Variants in PDE4D observed in about 807,000 individuals in gnomAD.
PDE4D encodes phosphodiesterase 4D.
In PDE4D, 24 loss-of-function variants were observed where a neutral mutation model predicts 87.4. The observed-to-expected ratio is 0.27, with a 90% CI of 0.20 to 0.39. The LOEUF (loss-of-function observed/expected upper bound fraction) is 0.39. Ranked by LOEUF, PDE4D falls within the 10% of genes least tolerant of loss-of-function variation. The pLI, the probability that PDE4D is intolerant of heterozygous loss-of-function variation, is 1.00. For missense variants in PDE4D, 714 were observed against 1,041.0 expected (o/e 0.69, Z 4.32); for synonymous variants, 384 against 383.2 (o/e 1.00, Z -0.02).
chr5:59,254,244 T>G (rs1427343704), intron 1 of PDE4D, among the ~76,000 whole-genome samples: 2 of 152,060 alleles, frequency 1.3e-5, no homozygotes, highest in Non-Finnish European at 2.9e-5. Context: ...GCTAATACCA[T>G]TAATGATTAG....
intron 1 of PDE4D, among the ~76,000 whole-genome samples, chr5:59,530,620 A>T (rs1482247026): frequency 6.6e-6 from 1 of 150,818 alleles, no homozygotes; most frequent in Admixed American, 6.6e-5. Context: ...AAAAAAAAAA[A>T]TTGGATTGAA....
intron 1 of PDE4D, among the ~76,000 whole-genome samples, chr5:59,634,955 T>G (rs2150163068): frequency 6.6e-6 from 1 of 152,204 alleles, no homozygotes; most frequent in East Asian, 1.9e-4. Flanking sequence ...AGGAGCTGGT[T>G]TTTTGAAACG....
At chr5:59,891,555 T>C (rs1750957449) in intron 1 of PDE4D, among the ~76,000 whole-genome samples, 1 of 152,128 alleles carries the variant, frequency 6.6e-6, no homozygotes, top group Non-Finnish European at 1.5e-5. Context: ...AATGAAACTT[T>C]TATATTAATT....
intron 1 of PDE4D, among the ~76,000 whole-genome samples, chr5:59,627,309 G>A (rs1252385042): frequency 6.6e-6 from 1 of 152,142 alleles, no homozygotes; most frequent in African/African-American, 2.4e-5. Flanking sequence ...TCACAAAGCA[G>A]GTGGGATATT....
intron 1 of PDE4D, among the ~76,000 whole-genome samples, chr5:60,293,416 A>T (rs1015170005): frequency 5.3e-5 from 8 of 152,096 alleles, no homozygotes; most frequent in African/African-American, 1.9e-4. Context: ...CGGGAGGCTG[A>T]GGCAGGAGAA....
chr5:59,135,049 G>A (rs867974236), intron 5 of PDE4D, among the ~76,000 whole-genome samples: 50 of 152,236 alleles, frequency 3.3e-4, no homozygotes, highest in African/African-American at 1.0e-3. Flanking sequence ...AATTCAGTGC[G>A]CACCAACAAG....
intron 5 of PDE4D, among the ~76,000 whole-genome samples, chr5:59,095,133 T>A (rs780140633): frequency 1.3e-5 from 2 of 151,942 alleles, no homozygotes; most frequent in Admixed American, 6.6e-5. Context: ...ATACTGCCAC[T>A]CAATTTTTCA....
At chr5:59,711,238 C>T (rs185287772) in intron 1 of PDE4D, among the ~76,000 whole-genome samples, 328 of 152,246 alleles carry the variant, frequency 2.2e-3, no homozygotes, top group African/African-American at 7.4e-3. Flanking sequence ...ACATATCACA[C>T]TTCCAGGGAA....
intron 2 of PDE4D, among the ~76,000 whole-genome samples, chr5:60,157,323 A>C (rs1002833808): frequency 1.1e-4 from 17 of 152,178 alleles, no homozygotes; most frequent in Admixed American, 6.5e-4. Flanking sequence ...TTTATTGAAC[A>C]TCTACTAAGT....
chr5:59,098,103 T>C (rs544117614), intron 5 of PDE4D, among the ~76,000 whole-genome samples: 23 of 152,240 alleles, frequency 1.5e-4, no homozygotes, highest in Non-Finnish European at 2.8e-4. Flanking sequence ...TTCTCTAATA[T>C]AATATTCCCC....
At chr5:59,332,454 A>G (rs1776906631) in intron 1 of PDE4D, among the ~76,000 whole-genome samples, 1 of 152,116 alleles carries the variant, frequency 6.6e-6, no homozygotes, top group African/African-American at 2.4e-5. Context: ...CTCTTAGATA[A>G]TGTCTAGTTT....
intron 2 of PDE4D, among the ~76,000 whole-genome samples, chr5:60,106,043 A>G (rs1470174650): frequency 1.3e-5 from 2 of 152,210 alleles, no homozygotes; most frequent in Non-Finnish European, 2.9e-5. Flanking sequence ...AAATGCTCCA[A>G]TTAAAAGACA....
chr5:60,379,168 T>A (rs1422106610), intron 1 of PDE4D, among the ~76,000 whole-genome samples: 2 of 147,742 alleles, frequency 1.4e-5, no homozygotes, highest in Non-Finnish European at 3.0e-5. Context: ...GTGGAGCAGT[T>A]TTTAAAACTG....
intron 1 of PDE4D, among the ~76,000 whole-genome samples, chr5:60,247,281 C>T (rs950717966): frequency 6.6e-6 from 1 of 151,930 alleles, no homozygotes; most frequent in African/African-American, 2.4e-5. Flanking sequence ...TCAACCTTTA[C>T]TTCTGACCCA....
intron 1 of PDE4D, among the ~76,000 whole-genome samples, chr5:60,503,437 G>C (rs79998359): frequency 6.6e-6 from 1 of 151,956 alleles, no homozygotes; most frequent in Admixed American, 6.6e-5. Flanking sequence ...TTTATTCTTG[G>C]CTATTATTTT....
At chr5:59,491,584 T>G (rs1426000082) in intron 1 of PDE4D, among the ~76,000 whole-genome samples, 1 of 152,196 alleles carries the variant, frequency 6.6e-6, no homozygotes, top group Non-Finnish European at 1.5e-5. Context: ...AACTGATGCC[T>G]TGGTTATGCA....
At chr5:60,114,978 A>ATGGATGGCTGGC (rs145654898) in intron 2 of PDE4D, among the ~76,000 whole-genome samples, 4 of 149,212 alleles carry the variant, frequency 2.7e-5, no homozygotes, top group Admixed American at 6.7e-5. Context: ...GGATGGATGG[A>ATGGATGGCTGGC]TGGCTAGATA....
intron 5 of PDE4D, among the ~76,000 whole-genome samples, chr5:59,163,335 G>A (rs1581140771): frequency 2.1e-5 from 3 of 145,930 alleles, no homozygotes; most frequent in South Asian, 2.2e-4. Context: ...GCAATGGCGC[G>A]ATCTCAGCTC....
intron 3 of PDE4D, among the ~76,000 whole-genome samples, chr5:59,905,714 C>A (rs1013778587): frequency 2.0e-5 from 3 of 151,998 alleles, no homozygotes; most frequent in African/African-American, 4.8e-5. Flanking sequence ...ATAAATAATG[C>A]ATGTATACCT....
Sources: allele counts gnomAD v4.1 joint callset (sites outside exome capture counted in the v4.1 genomes callset), GRCh38; gene constraint gnomAD v4.1.1; transcripts MANE v1.5; gene names NCBI Gene and HGNC (gene_info 2026-07-23, HGNC 2026-07-21).